The following KLRF1 variants were observed in gnomAD, a reference collection of about 807,000 sequenced individuals.
KLRF1 encodes the protein killer cell lectin-like receptor subfamily F member 1.
A neutral mutation model predicts 30.7 loss-of-function variants in KLRF1; 27 were observed. The ratio of observed to expected loss-of-function variants is 0.88; its 90% CI spans 0.65 to 1.21. The LOEUF (loss-of-function observed/expected upper bound fraction) is 1.21, where lower values mean the gene tolerates loss of function less well. KLRF1 is among the 50% of genes most tolerant of loss of function. The pLI, the probability that KLRF1 is intolerant of heterozygous loss-of-function variation, is 0.00. For synonymous variants in KLRF1, 92 were observed against 89.3 expected, an observed-to-expected ratio of 1.03 and a Z score of -0.17; for missense variants, 246 against 259.3, an observed-to-expected ratio of 0.95 and a Z score of 0.35.
chr12:9,828,254 C>T (rs60439340), intron 1 of KLRF1, among the ~76,000 whole-genome samples: 1,709 of 151,740 alleles, frequency 0.011, 34 homozygotes, highest in African/African-American at 0.039. Flanking sequence ...TAATTTTTTG[C>T]GTTTTTAGTA....
At chr12:9,821,347 CT>C in the KLRF1 span, among the ~76,000 whole-genome samples, 1 of 152,150 alleles carries the variant, frequency 6.6e-6, no homozygotes, top group Non-Finnish European at 1.5e-5. Context: ...TGCAGCGGTA[CT>C]ACTCCTGCTA....
intron 3 of KLRF1, among the ~76,000 whole-genome samples, chr12:9,839,091 A>G (rs1211845107): frequency 1.3e-5 from 2 of 152,090 alleles, no homozygotes; most frequent in Non-Finnish European, 2.9e-5. Context: ...ATTACCATAA[A>G]CTAGGTTGCT....
the KLRF1 span, among the ~76,000 whole-genome samples, chr12:9,812,092 G>A: frequency 2.0e-5 from 3 of 152,178 alleles, no homozygotes; most frequent in Non-Finnish European, 4.4e-5. Context: ...CTGGCCGGGC[G>A]CGGTGGCTCA....
intron 3 of KLRF1, among the ~76,000 whole-genome samples, chr12:9,834,598 T>C (rs1867528308): frequency 6.6e-6 from 1 of 151,980 alleles, no homozygotes. Flanking sequence ...GGTGATGGCC[T>C]GGATACGGTT....
chr12:9,802,604 A>G, the KLRF1 span, among the ~76,000 whole-genome samples: 8 of 151,884 alleles, frequency 5.3e-5, no homozygotes, highest in African/African-American at 1.4e-4. Context: ...TCTCAGCCTA[A>G]AAACTCCTTA....
At chr12:9,800,639 G>T in the KLRF1 span, among the ~76,000 whole-genome samples, 2 of 151,804 alleles carry the variant, frequency 1.3e-5, no homozygotes, top group Admixed American at 6.6e-5. Flanking sequence ...TTTTAATAAG[G>T]TTATTTTCCA....
chr12:9,806,422 G>A, the KLRF1 span, among the ~76,000 whole-genome samples: 1 of 152,104 alleles, frequency 6.6e-6, no homozygotes, highest in East Asian at 1.9e-4. Context: ...TTTTTAAAAT[G>A]TGTTGAGGCT....
At chr12:9,837,260 A>T (rs769805546) in intron 3 of KLRF1, among the ~76,000 whole-genome samples, 1 of 152,116 alleles carries the variant, frequency 6.6e-6, no homozygotes, top group South Asian at 2.1e-4. Context: ...TTTAAAGTTC[A>T]TCCACATTTT....
the KLRF1 span, among the ~76,000 whole-genome samples, chr12:9,807,609 T>C: frequency 6.6e-6 from 1 of 152,050 alleles, no homozygotes; most frequent in African/African-American, 2.4e-5. Context: ...TTATACTATC[T>C]TATATACTTA....
chr12:9,832,336 T>C lies in KLRF1; in HGVS notation c.106T>C (p.Trp36Arg), dbSNP rs758537121. 602 of 1,601,926 alleles carry C rather than the reference T, an allele frequency of 3.8e-4. 29 individuals are homozygous for C. The South Asian group carries it at 6.4e-3, about 17-fold the overall frequency. ...TFKDYSVTLH[W>R]YKILLGISGT... Reference sequence around the variant, plus strand: ...CTCAGATTATTCAGTGACGTTGCACTGGTATAAAATCTTACTGGGAATATC... The same window carrying C: ...CTCAGATTATTCAGTGACGTTGCACCGGTATAAAATCTTACTGGGAATATC... Residue 36 changes from tryptophan to arginine, a missense_variant, in exon 2 of 6, where the codon TGG becomes CGG. Trp to Arg is a moderately radical substitution (Grantham distance 101, BLOSUM62 -3). Transcript: ENST00000617889.
At chr12:9,841,681 A>G in intron 3 of KLRF1, 131 bp from the exon 4 acceptor site, 1 of 619,518 alleles carries the variant, frequency 1.6e-6, no homozygotes, top group Non-Finnish European at 2.6e-6. Flanking sequence ...TTGTGTCTGG[A>G]CAATTTGCTA....
At chr12:9,806,792 C>T in the KLRF1 span, among the ~76,000 whole-genome samples, 156 of 152,138 alleles carry the variant, frequency 1.0e-3, 2 homozygotes, top group Middle Eastern at 3.4e-3. Context: ...AGCAATCCTT[C>T]GCTTTAGCCT....
At chr12:9,819,739 C>T in the KLRF1 span, among the ~76,000 whole-genome samples, 199 of 152,210 alleles carry the variant, frequency 1.3e-3, no homozygotes, top group African/African-American at 2.3e-3. Context: ...GAGTCTGAGG[C>T]GACTAGGGAC....
chr12:9,828,811 T>C (rs1867342397), intron 1 of KLRF1, among the ~76,000 whole-genome samples: 1 of 152,190 alleles, frequency 6.6e-6, no homozygotes. Flanking sequence ...AATTTTTATT[T>C]CATTTTTGGA....
upstream of KLRF1, among the ~76,000 whole-genome samples, chr12:9,822,625 A>T (rs1432486847): frequency 6.6e-6 from 1 of 152,224 alleles, no homozygotes; most frequent in Non-Finnish European, 1.5e-5. Flanking sequence ...TATGAATACT[A>T]ACCTTGAATG....
the KLRF1 span, among the ~76,000 whole-genome samples, chr12:9,821,005 C>A: frequency 3.3e-5 from 5 of 152,142 alleles, no homozygotes; most frequent in Non-Finnish European, 7.4e-5. Context: ...CTCAGAGTTC[C>A]CCTGGGGAGA....
the KLRF1 span, among the ~76,000 whole-genome samples, chr12:9,819,055 T>C: frequency 2.0e-5 from 3 of 152,138 alleles, no homozygotes; most frequent in East Asian, 1.9e-4. Context: ...ACTGAGCACC[T>C]GGGGGAGCAC....
intron 2 of KLRF1, 51 bp downstream of exon 2, chr12:9,832,465 T>C: frequency 9.8e-7 from 1 of 1,023,690 alleles, no homozygotes; most frequent in Non-Finnish European, 1.5e-6. Flanking sequence ...TGTTTACTTG[T>C]CTCTTATAAA....
chr12:9,825,232 T>G (rs867354869), upstream of KLRF1, among the ~76,000 whole-genome samples: 5 of 141,814 alleles, frequency 3.5e-5, no homozygotes, highest in African/African-American at 1.3e-4. Flanking sequence ...ACTACAGTAC[T>G]ACAATATCCA....
Sources: gnomAD v4.1 joint callset for allele counts (sites outside exome capture counted in the v4.1 genomes callset) on GRCh38, gnomAD v4.1.1 for gene constraint, MANE v1.5 for transcripts, NCBI Gene and HGNC (gene_info 2026-07-23, HGNC 2026-07-21) for gene names.